MBP: variants seen among roughly 807,000 people sequenced by gnomAD.
MBP encodes myelin basic protein.
MBP carries 16 observed loss-of-function variants against 35.8 expected under a neutral mutation model. That is an observed-to-expected ratio of 0.45 (90% confidence interval 0.30 to 0.68). The LOEUF (loss-of-function observed/expected upper bound fraction) is 0.68. MBP is among the 30% of genes least tolerant of loss of function. MBP has a pLI of 0.08. For synonymous variants in MBP, 143 were observed against 159.6 expected, an observed-to-expected ratio of 0.90 and a Z score of 0.78; for missense variants, 380 against 404.7, an observed-to-expected ratio of 0.94 and a Z score of 0.52.
In MBP at chr18:77,105,192, G is replaced by A. The variant is rs202034763; in HGVS notation, c.51+19C>T. On this transcript the variant is annotated intron_variant, in intron 2 of 8. Transcript: ENST00000355994. ...TAAGAAAACAACATGCACATGTTTC[G>A]GATCAGCTCACGTCTTACCGTACTG... 1.2e-5 allele frequency: 19 copies of A among 1,611,560 alleles called. No homozygotes were observed. Among genetic ancestry groups the A allele is most frequent in the South Asian group, 5.5e-5 (5 of 91,002 alleles).
In MBP at chr18:77,016,854, G is replaced by A. The variant is rs752387166; in HGVS notation, c.554C>T (p.Ala185Val). Reference protein sequence around the residue: ...IGRFFGGDRGAPKRGSGKDSH... With the variant: ...IGRFFGGDRGVPKRGSGKDSH... Reference sequence around the variant, plus strand: ...CACCTTGCCAGAGCCCCGCTTGGGCGCACCCCTGTCACCGCCAAAGAAGCG... The same window carrying A: ...CACCTTGCCAGAGCCCCGCTTGGGCACACCCCTGTCACCGCCAAAGAAGCG... The change falls in exon 4 of 9, where the codon GCG becomes GTG. Residue 185 changes from alanine (A) to valine (V), a missense_variant. Transcript: ENST00000355994. The A allele has an allele frequency of 5.6e-6, 9 of 1,614,154 alleles. No homozygotes were observed. The highest frequency in any genetic ancestry group is 2.2e-5 in the East Asian group (1 of 44,878).
intron 4 of MBP, among the ~76,000 whole-genome samples, chr18:76,998,336 CCCTTCCA>C (rs151203498): frequency 0.9 from 134,759 of 149,888 alleles, 59,827 homozygotes; most frequent in Non-Finnish European, 0.93. Context: ...CGTCAGAATC[CCCTTCCA>C]CCTTCCACCG....
intron 2 of MBP, among the ~76,000 whole-genome samples, chr18:77,067,019 T>TAAAGTTGAGC (rs1375375830): frequency 6.6e-6 from 1 of 152,248 alleles, no homozygotes; most frequent in African/African-American, 2.4e-5. Flanking sequence ...GAGCTTGTTT[T>TAAAGTTGAGC]TCGAGTTTAA....
intron 2 of MBP, among the ~76,000 whole-genome samples, chr18:77,096,168 G>C (rs1975749420): frequency 6.6e-6 from 1 of 152,190 alleles, no homozygotes. Context: ...TTCACAGCTG[G>C]GCTGTCAGTA....
chr18:77,085,665 T>C (rs1255184849), intron 2 of MBP, among the ~76,000 whole-genome samples: 2 of 150,848 alleles, frequency 1.3e-5, no homozygotes, highest in Admixed American at 6.6e-5. Context: ...GGTTTTAATG[T>C]GAGCATCAGT....
intron 7 of MBP, chr18:76,985,545 T>C (rs1266830276): frequency 8.9e-7 from 1 of 1,129,592 alleles, no homozygotes; most frequent in African/African-American, 1.6e-5. Context: ...CAGTCTCCCT[T>C]GGCCATAGCT....
chr18:77,045,649 G>A (rs1307207404), intron 3 of MBP, among the ~76,000 whole-genome samples: 3 of 152,246 alleles, frequency 2.0e-5, no homozygotes, highest in African/African-American at 7.2e-5. Flanking sequence ...GAAATAAATG[G>A]ACTGTGACAA....
At chr18:77,042,774 C>T (rs1355507016) in intron 3 of MBP, among the ~76,000 whole-genome samples, 1 of 152,336 alleles carries the variant, frequency 6.6e-6, no homozygotes, top group Non-Finnish European at 1.5e-5. Flanking sequence ...ACCCAGCAAG[C>T]GCCTGCGCAG....
At chr18:77,098,168 C>CT (rs3214873) in intron 2 of MBP, among the ~76,000 whole-genome samples, 2,790 of 108,518 alleles carry the variant, frequency 0.026, 87 homozygotes, top group South Asian at 0.054. Flanking sequence ...CAAGGACTTC[C>CT]TTTTTTTTTT....
chr18:77,025,465 T>C (rs113876519), intron 3 of MBP, among the ~76,000 whole-genome samples: 32 of 152,102 alleles, frequency 2.1e-4, no homozygotes, highest in African/African-American at 7.5e-4. Flanking sequence ...CGTTAATGAC[T>C]GTTAAACATG....
At chr18:77,011,536 A>G (rs1318081480) in intron 4 of MBP, among the ~76,000 whole-genome samples, 1 of 152,212 alleles carries the variant, frequency 6.6e-6, no homozygotes. Flanking sequence ...TGGCTGGGGT[A>G]GCCATAAGAC....
At chr18:77,114,031 C>T (rs1029479278) in intron 1 of MBP, 2 of 152,204 alleles carry the variant, frequency 1.3e-5, no homozygotes, top group African/African-American at 4.8e-5. Flanking sequence ...GTTCCAAAAA[C>T]CCAATTTGCA....
chr18:76,980,659 T>G, intron 8 of MBP, 188 bp from the exon 9 acceptor site: 1 of 588,744 alleles, frequency 1.7e-6, no homozygotes. Flanking sequence ...CAAATGCTAA[T>G]TGAATTTCCA....
intron 2 of MBP, among the ~76,000 whole-genome samples, chr18:77,100,508 GGT>G (rs57715344): frequency 0.06 from 7,953 of 133,574 alleles, 820 homozygotes; most frequent in African/African-American, 0.2. Flanking sequence ...TAGAATTTGG[GGT>G]GTGTGTGTGT....
intron 3 of MBP, among the ~76,000 whole-genome samples, chr18:77,048,049 G>A (rs1228437828): frequency 6.6e-6 from 1 of 152,184 alleles, no homozygotes; most frequent in East Asian, 1.9e-4. Flanking sequence ...ATCAATTTTG[G>A]AATTAAACAC....
intron 4 of MBP, among the ~76,000 whole-genome samples, chr18:77,007,981 A>T (rs1430120371): frequency 6.6e-6 from 1 of 152,134 alleles, no homozygotes; most frequent in Non-Finnish European, 1.5e-5. Flanking sequence ...TATGATCTGG[A>T]TACCAAAGCC....
chr18:77,029,294 G>A (rs1423696005), intron 3 of MBP, among the ~76,000 whole-genome samples: 6 of 149,992 alleles, frequency 4.0e-5, no homozygotes, highest in East Asian at 2.0e-4. Flanking sequence ...GCCTGCAATC[G>A]CAGGCACTCG....
rs77401980 is a variant in MBP, at chr18:77,025,420, G to A, written c.140-8152C>T. On this transcript the variant is annotated intron_variant, in intron 3 of 8. Transcript: ENST00000355994. ...CACAGGGACCTCGAGTGCACTCAGC[G>A]GTCTTGGTGCACCATAGCCACCTGG... Among the ~76,000 whole-genome samples the A allele has an allele frequency of 8.3e-3, 1,257 of 152,246 alleles. 28 individuals are homozygous for A. The highest frequency in any genetic ancestry group is 0.07 in the East Asian group (362 of 5,152).
intron 1 of MBP, among the ~76,000 whole-genome samples, chr18:77,119,173 AC>A (rs1232504514): frequency 6.6e-6 from 1 of 152,144 alleles, no homozygotes; most frequent in East Asian, 1.9e-4. Context: ...CCAGCCCAGA[AC>A]AGGCAGGGGC....
Sources: allele counts gnomAD v4.1 joint callset (sites outside exome capture counted in the v4.1 genomes callset), GRCh38; gene constraint gnomAD v4.1.1; transcripts MANE v1.5; gene names NCBI Gene and HGNC (gene_info 2026-07-23, HGNC 2026-07-21).